The following LAMA2 variants were observed in gnomAD, a reference collection of about 807,000 sequenced individuals.
LAMA2 encodes the protein laminin subunit alpha-2.
Under a neutral mutation model 364.8 loss-of-function variants are expected in LAMA2, and 269 were observed. The ratio of observed to expected loss-of-function variants is 0.74; its 90% confidence interval spans 0.67 to 0.82. The LOEUF is 0.82. Among genes scored for constraint, LAMA2 ranks in the 40% least tolerant of loss-of-function variants. The pLI is 0.00. For synonymous variants in LAMA2, 1,379 were observed against 1,370.6 expected, an observed-to-expected ratio of 1.01 and a Z score of -0.14; for missense variants, 3,807 against 3,873.2, an observed-to-expected ratio of 0.98 and a Z score of 0.45.
At chr6:129,486,072 C>T (rs1398540844) in intron 55 of LAMA2, among the ~76,000 whole-genome samples, 1 of 152,218 alleles carries the variant, frequency 6.6e-6, no homozygotes, top group Non-Finnish European at 1.5e-5. Context: ...AGTCTAAATA[C>T]TCAGAATGCC....
At chr6:129,188,454 A>G (rs1268996107) in intron 10 of LAMA2, among the ~76,000 whole-genome samples, 1 of 151,950 alleles carries the variant, frequency 6.6e-6, no homozygotes, top group South Asian at 2.1e-4. Context: ...GATTAGACCA[A>G]GCGCATAAGA....
chr6:129,146,989 G>A lies in LAMA2; in HGVS notation c.850G>A (p.Gly284Arg). 1.9e-6 allele frequency: 3 copies of A among 1,611,624 alleles called. No homozygotes were observed. The highest frequency in any genetic ancestry group is 2.5e-6 in the Non-Finnish European group (3 of 1,177,922). ...CTACTCGGTCAAGGATATTTCAGTTGGAGGGATGTGCATCTGCTATGGTCA... is the reference window on the plus strand; with the variant it reads ...CTACTCGGTCAAGGATATTTCAGTTAGAGGGATGTGCATCTGCTATGGTCA... ...YYYSVKDISV[G>R]GMCICYGHAR... The change falls in exon 6 of 65, where the codon GGA becomes AGA. Residue 284 changes from glycine (G) to arginine (R), a missense_variant. Around this residue, in one of 3 missense-constraint regions of LAMA2, gnomAD observed 394 missense variants for 403.5 expected, o/e 0.98. Transcript: ENST00000421865.
Position 128,929,977 on chromosome 6 carries a change from A to G in LAMA2, c.112+46620A>G, listed in dbSNP as rs1779356253. On this transcript the variant is annotated intron_variant, in intron 1 of 64. Transcript: ENST00000421865. The stretch of plus-strand genomic sequence containing the variant: ...ACCACTCCCTCATCCTGCGGAGGCG[A>G]TCTTTGCGCACGGCGGCGTTATCCC... 9.7e-6 allele frequency: 6 copies of G among 621,084 alleles called. No homozygotes were observed. The East Asian group carries it at 1.2e-4, about 13-fold the overall frequency. 38.5% of individuals were successfully genotyped at this position (621,084 alleles called of 1,614,324 possible). A position where few individuals can be genotyped will look rare whatever the true frequency, so the allele number is the denominator to read the frequency against.
At chr6:129,157,721 G>A (rs1779199023) in intron 8 of LAMA2, 9 of 1,611,696 alleles carry the variant, frequency 5.6e-6, no homozygotes, top group South Asian at 2.2e-5. Flanking sequence ...GCATATCTTC[G>A]TATGACGGAT....
At chr6:129,162,233 T>G (rs762465500) in intron 8 of LAMA2, among the ~76,000 whole-genome samples, 11 of 152,292 alleles carry the variant, frequency 7.2e-5, no homozygotes, top group Middle Eastern at 3.4e-3. Flanking sequence ...CATGATATAG[T>G]GATATAGTCC....
In LAMA2 at chr6:129,393,608, A is replaced by G. The variant is rs534763632; in HGVS notation, c.5445+353A>G. On this transcript the variant is annotated intron_variant, in intron 37 of 64. Transcript: ENST00000421865. ...CTAGACATACAAATTGGGCAAGTCA[A>G]TTAATCTGTAAGCATCAGTTCCCCA... 5.3e-5 allele frequency among the ~76,000 whole-genome samples: 8 copies of G among 152,328 alleles called. No homozygotes were observed. In the South Asian group the frequency reaches 1.7e-3, roughly 32 times the overall value.
At chr6:129,506,945 A>G (rs1488307129) in intron 61 of LAMA2, among the ~76,000 whole-genome samples, 1 of 152,114 alleles carries the variant, frequency 6.6e-6, no homozygotes. Context: ...AGTTACTTCT[A>G]AATTCCTTGA....
chr6:129,298,153 G>A (rs1487300474), intron 21 of LAMA2, among the ~76,000 whole-genome samples: 1 of 32,814 alleles, frequency 3.0e-5, no homozygotes, highest in East Asian at 9.7e-4. Flanking sequence ...CACTGCTACG[G>A]CTTGAAAGTT....
chr6:128,912,472 CAG>C (rs1442257904), intron 1 of LAMA2, among the ~76,000 whole-genome samples: 3 of 152,162 alleles, frequency 2.0e-5, no homozygotes, highest in Admixed American at 1.3e-4. Context: ...GTATATAAAA[CAG>C]AGTAAGTATA....
chr6:129,320,561 T>C lies in LAMA2; in HGVS notation c.4082T>C (p.Val1361Ala). The C allele has an allele frequency of 6.2e-7, 1 of 1,610,440 alleles. No individual in the cohort carries two copies. The highest frequency in any genetic ancestry group is 8.5e-7 in the Non-Finnish European group (1 of 1,176,738). Reference protein sequence around the residue: ...QSRISEISMEVAEQGRGTTMT... With the variant: ...QSRISEISMEAAEQGRGTTMT... ...AGGATTTCTGAAATCTCAATGGAGGTAGCTGAACAAGGACGTGGAACAACA... is the reference window on the plus strand; with the variant it reads ...AGGATTTCTGAAATCTCAATGGAGGCAGCTGAACAAGGACGTGGAACAACA... Residue 1361 changes from valine to alanine, a missense_variant, in exon 28 of 65, where the codon GTA becomes GCA. Around this residue, in one of 3 missense-constraint regions of LAMA2, gnomAD observed 3,333 missense variants for 3,345.7 expected, o/e 1.00. Coordinates refer to ENST00000421865, the MANE Select transcript of LAMA2 (RefSeq NM_000426.4).
At chr6:129,077,967 T>C (rs1773767162) in intron 3 of LAMA2, among the ~76,000 whole-genome samples, 1 of 152,138 alleles carries the variant, frequency 6.6e-6, no homozygotes, top group Non-Finnish European at 1.5e-5. Flanking sequence ...CCGCAGGACG[T>C]GCAAGGCCAA....
At chr6:129,073,697 A>AT (rs1008913933) in intron 3 of LAMA2, among the ~76,000 whole-genome samples, 96 of 151,960 alleles carry the variant, frequency 6.3e-4, no homozygotes, top group African/African-American at 2.2e-3. Context: ...TTGTATTTTT[A>AT]TTTTTTAGTT....
intron 3 of LAMA2, among the ~76,000 whole-genome samples, chr6:129,095,751 A>G (rs1222313890): frequency 3.6e-5 from 5 of 138,178 alleles, no homozygotes; most frequent in Admixed American, 2.8e-4. Flanking sequence ...TCTCTACTAA[A>G]TACAAAAAAA....
intron 1 of LAMA2, among the ~76,000 whole-genome samples, chr6:128,981,723 A>G (rs973536579): frequency 1.6e-4 from 25 of 152,130 alleles, no homozygotes; most frequent in African/African-American, 5.5e-4. Flanking sequence ...GCACTCCAGC[A>G]TAGGTGACAG....
intron 56 of LAMA2, among the ~76,000 whole-genome samples, chr6:129,486,837 C>T (rs1192215145): frequency 6.6e-6 from 1 of 152,050 alleles, no homozygotes; most frequent in East Asian, 1.9e-4. Flanking sequence ...CATTTTTATT[C>T]GTGCAGTTAT....
At chr6:129,173,081 C>A (rs547466259) in intron 9 of LAMA2, among the ~76,000 whole-genome samples, 47 of 152,324 alleles carry the variant, frequency 3.1e-4, no homozygotes, top group African/African-American at 9.1e-4. Context: ...CTGGCATTCC[C>A]TAGTGAGATG....
At chr6:129,334,215 C>T (rs79129218) in intron 29 of LAMA2, among the ~76,000 whole-genome samples, 5,106 of 152,270 alleles carry the variant, frequency 0.034, 269 homozygotes, top group African/African-American at 0.11. Context: ...CAGTGCAATG[C>T]CCTCTACCTT....
intron 1 of LAMA2, among the ~76,000 whole-genome samples, chr6:128,942,309 T>C (rs1363430118): frequency 3.3e-5 from 5 of 152,170 alleles, no homozygotes; most frequent in Non-Finnish European, 7.4e-5. Context: ...GCTTTTAAAA[T>C]AACAGTACAT....
In LAMA2 at chr6:129,353,229, A is replaced by T. The variant is rs1480949399; in HGVS notation, c.4589A>T (p.Asp1530Val). 3 of 1,614,024 alleles carry T rather than the reference A, an allele frequency of 1.9e-6. No homozygotes were observed. The highest frequency in any genetic ancestry group is 1.7e-5 in the Admixed American group (1 of 60,008). ...PGGSCQECEC[D>V]PYGSLPVPCD... is the part of the protein sequence containing the mutation. ...GGCTCCTGCCAAGAATGTGAGTGTG[A>T]TCCCTATGGCTCACTGCCTGTGCCC... The change falls in exon 32 of 65, where the codon GAT becomes GTT. Residue 1530 changes from aspartate (D) to valine (V), a missense_variant. This residue lies in a region of LAMA2 where 3,333 missense variants were observed against 3,345.7 expected (regional missense o/e 1.00). Coordinates refer to ENST00000421865, the MANE Select transcript of LAMA2 (RefSeq NM_000426.4).
Sources: gnomAD v4.1 joint callset for allele counts (sites outside exome capture counted in the v4.1 genomes callset) on GRCh38, gnomAD v4.1.1 for gene constraint, gnomAD v4.1.1 regional missense constraint, MANE v1.5 for transcripts, NCBI Gene and HGNC (gene_info 2026-07-23, HGNC 2026-07-21) for gene names.